SEMA3A: variants seen among roughly 807,000 people sequenced by gnomAD.
SEMA3A encodes semaphorin 3A.
SEMA3A carries 29 observed loss-of-function variants against 97.9 expected under a neutral mutation model. The observed-to-expected ratio is 0.30, with a 90% confidence interval of 0.22 to 0.40. The LOEUF is 0.40. SEMA3A is among the 10% of genes least tolerant of loss of function. The pLI is 1.00. For missense variants in SEMA3A, 763 were observed against 951.3 expected (o/e 0.80, Z 2.60); for synonymous variants, 321 against 323.7 (o/e 0.99, Z 0.09).
chr7:84,236,575 T>C (rs907714775), intron 3 of SEMA3A, among the ~76,000 whole-genome samples: 3 of 152,142 alleles, frequency 2.0e-5, no homozygotes, highest in Admixed American at 2.0e-4. Flanking sequence ...ATGCATAGTT[T>C]ATCTTTATCT....
intron 1 of SEMA3A, among the ~76,000 whole-genome samples, chr7:84,170,475 C>A (rs1164412940): frequency 6.6e-6 from 1 of 151,788 alleles, no homozygotes; most frequent in African/African-American, 2.4e-5. Context: ...TTTAGAAAAT[C>A]CTATTGCAAA....
At chr7:84,268,296 C>T (rs999092825) in intron 3 of SEMA3A, among the ~76,000 whole-genome samples, 32 of 114,452 alleles carry the variant, frequency 2.8e-4, no homozygotes, top group Non-Finnish European at 4.3e-4. Flanking sequence ...TGTGTGTGTG[C>T]AGGTGCTCTG....
intron 3 of SEMA3A, among the ~76,000 whole-genome samples, chr7:84,267,734 T>C (rs547034405): frequency 7.2e-5 from 11 of 152,244 alleles, no homozygotes; most frequent in South Asian, 2.1e-4. Context: ...AAATATTTAA[T>C]AAAATCACCA....
Position 84,069,731 on chromosome 7 carries a change from T to C in SEMA3A, c.454-9173A>G, listed in dbSNP as rs575289143. 2.0e-5 allele frequency among the ~76,000 whole-genome samples: 3 copies of C among 152,084 alleles called. No individual in the cohort carries two copies. The East Asian group carries it at 5.8e-4, about 29-fold the overall frequency. On this transcript the variant is annotated intron_variant, in intron 4 of 16. Coordinates refer to ENST00000265362, the MANE Select transcript of SEMA3A (RefSeq NM_006080.3). ...TTGAGAATCTCTAAAAGTTACAACA[T>C]TACATAGAATGCGTGTGAAAATCAT...
intron 1 of SEMA3A, among the ~76,000 whole-genome samples, chr7:84,470,052 C>A (rs1384305190): frequency 6.6e-6 from 1 of 151,618 alleles, no homozygotes; most frequent in Non-Finnish European, 1.5e-5. Context: ...TTTGGAAATG[C>A]TTTTATCAGT....
chr7:84,243,702 T>A (rs191676539), intron 3 of SEMA3A, among the ~76,000 whole-genome samples: 1 of 152,074 alleles, frequency 6.6e-6, no homozygotes, highest in East Asian at 1.9e-4. Flanking sequence ...GCTTTTGAAT[T>A]TGTGTTCTTG....
At chr7:84,051,816 T>C (rs1282696485) in intron 5 of SEMA3A, among the ~76,000 whole-genome samples, 1 of 151,924 alleles carries the variant, frequency 6.6e-6, no homozygotes, top group African/African-American at 2.4e-5. Context: ...CTTCCAGTTT[T>C]TGCACATTCA....
At chr7:84,231,580 T>G (rs1458189939) in intron 3 of SEMA3A, among the ~76,000 whole-genome samples, 1 of 152,026 alleles carries the variant, frequency 6.6e-6, no homozygotes, top group Non-Finnish European at 1.5e-5. Flanking sequence ...CCTATTACAC[T>G]ACTTAAAAGC....
At chr7:84,359,827 G>C (rs1459304323) in intron 2 of SEMA3A, among the ~76,000 whole-genome samples, 2 of 152,044 alleles carry the variant, frequency 1.3e-5, no homozygotes, top group African/African-American at 4.8e-5. Flanking sequence ...CCTGTTATTG[G>C]TCTATTCAGA....
intron 12 of SEMA3A, among the ~76,000 whole-genome samples, chr7:83,994,140 T>C (rs1790098398): frequency 6.7e-6 from 1 of 148,332 alleles, no homozygotes; most frequent in South Asian, 2.2e-4. Flanking sequence ...CTTCATGTAG[T>C]TCTCGAGCCT....
chr7:84,102,504 T>C (rs552904872), intron 4 of SEMA3A, among the ~76,000 whole-genome samples: 3 of 150,998 alleles, frequency 2.0e-5, no homozygotes, highest in South Asian at 2.1e-4. Context: ...CAGAGAGCCA[T>C]TGGGACCCAT....
At chr7:84,491,872 T>A (rs184960224) in intron 1 of SEMA3A, among the ~76,000 whole-genome samples, 1 of 152,148 alleles carries the variant, frequency 6.6e-6, no homozygotes, top group Non-Finnish European at 1.5e-5. Flanking sequence ...ACCTTTTGTT[T>A]TGTTTTGTTT....
chr7:84,439,672 G>A (rs995811829), intron 1 of SEMA3A, among the ~76,000 whole-genome samples: 1 of 152,082 alleles, frequency 6.6e-6, no homozygotes, highest in African/African-American at 2.4e-5. Flanking sequence ...GCTTGCTTAA[G>A]GAATTATTCA....
At chr7:84,365,634 T>A (rs561744017) in intron 2 of SEMA3A, among the ~76,000 whole-genome samples, 1 of 151,724 alleles carries the variant, frequency 6.6e-6, no homozygotes, top group East Asian at 1.9e-4. Flanking sequence ...ACATTTTTAA[T>A]ATGCTGACTT....
intron 1 of SEMA3A, among the ~76,000 whole-genome samples, chr7:84,400,730 T>C (rs1803878050): frequency 6.6e-6 from 1 of 152,232 alleles, no homozygotes; most frequent in African/African-American, 2.4e-5. Context: ...AAATGACAAC[T>C]GAGATCTTTC....
At chr7:84,057,213 T>C (rs1350047432) in intron 5 of SEMA3A, among the ~76,000 whole-genome samples, 1 of 152,160 alleles carries the variant, frequency 6.6e-6, no homozygotes, top group Non-Finnish European at 1.5e-5. Context: ...CTCTTAGGGA[T>C]GGAATATTTC....
At chr7:83,978,522 C>T (rs952468717) in intron 14 of SEMA3A, among the ~76,000 whole-genome samples, 2 of 152,136 alleles carry the variant, frequency 1.3e-5, no homozygotes, top group African/African-American at 2.4e-5. Flanking sequence ...GTGTTTGCTG[C>T]TGCTATTTTA....
chr7:84,258,464 T>C (rs1194803201), intron 3 of SEMA3A, among the ~76,000 whole-genome samples: 1 of 152,186 alleles, frequency 6.6e-6, no homozygotes, highest in Non-Finnish European at 1.5e-5. Context: ...ATTTATATGC[T>C]GTATTTTGAG....
chr7:84,415,670 A>T (rs988582840), intron 1 of SEMA3A, among the ~76,000 whole-genome samples: 5 of 152,048 alleles, frequency 3.3e-5, no homozygotes, highest in Non-Finnish European at 5.9e-5. Context: ...GGAATTTTTT[A>T]AATTAATCAT....
Sources: allele counts gnomAD v4.1 joint callset (sites outside exome capture counted in the v4.1 genomes callset), GRCh38; gene constraint gnomAD v4.1.1; transcripts MANE v1.5; gene names NCBI Gene and HGNC (gene_info 2026-07-23, HGNC 2026-07-21).